KCNIP3: variants seen among roughly 807,000 people sequenced by gnomAD.
KCNIP3 encodes the protein calsenilin.
Under a neutral mutation model 35.0 loss-of-function variants are expected in KCNIP3, and 28 were observed. The observed-to-expected ratio is 0.80, with a 90% CI of 0.59 to 1.10. KCNIP3 has a LOEUF of 1.10. KCNIP3 is among the 50% of genes least tolerant of loss of function. KCNIP3 has a pLI of 0.00. For missense variants in KCNIP3, 295 were observed against 338.4 expected, an observed-to-expected ratio of 0.87 and a Z score of 1.01; for synonymous variants, 134 against 133.8, an observed-to-expected ratio of 1.00 and a Z score of -0.01.
intron 1 of KCNIP3, among the ~76,000 whole-genome samples, chr2:95,304,654 GA>G (rs1342818018): frequency 6.6e-6 from 1 of 152,212 alleles, no homozygotes; most frequent in Non-Finnish European, 1.5e-5. Context: ...TCCATTACCG[GA>G]TTTGGGGCTC....
intron 2 of KCNIP3, among the ~76,000 whole-genome samples, chr2:95,333,406 A>G (rs1678980060): frequency 6.6e-6 from 1 of 152,198 alleles, no homozygotes; most frequent in Non-Finnish European, 1.5e-5. Context: ...AAAAGAATCA[A>G]AAGCCATTCT....
intron 2 of KCNIP3, among the ~76,000 whole-genome samples, chr2:95,324,557 A>AAATAAATAAAT (rs1410182812): frequency 2.6e-4 from 19 of 72,760 alleles, no homozygotes; most frequent in Non-Finnish European, 4.0e-4. Flanking sequence ...AATAAATAAA[A>AAATAAATAAAT]ATAACGTGAG....
At chr2:95,330,496 C>T (rs963629589) in intron 2 of KCNIP3, among the ~76,000 whole-genome samples, 13 of 152,188 alleles carry the variant, frequency 8.5e-5, no homozygotes, top group Non-Finnish European at 1.5e-4. Flanking sequence ...GCCTCTCCCT[C>T]GAGGCCCAGT....
intron 2 of KCNIP3, among the ~76,000 whole-genome samples, chr2:95,372,580 G>A (rs767642418): frequency 6.6e-6 from 1 of 152,138 alleles, no homozygotes; most frequent in South Asian, 2.1e-4. Context: ...GCCTGAGTAG[G>A]TGAGAGGGAT....
At position 95,382,773 on chromosome 2, in the gene KCNIP3, G is replaced by A. The variant is rs748127843; in HGVS notation, c.660+292G>A. On this transcript the variant is annotated intron_variant, in intron 7 of 8. Coordinates refer to ENST00000295225, the MANE Select transcript of KCNIP3 (RefSeq NM_013434.5). The surrounding 1 kb of genome is among the most constrained non-coding windows in gnomAD (Gnocchi z 4.5). ...AGCTGTGTGGCTCCTCCAGGAAGAC[G>A]CTCTGGGAGAGGAGCAGGTTGGGGG... Among the ~76,000 whole-genome samples the A allele has an allele frequency of 3.5e-4, 54 of 152,178 alleles. No individual in the cohort carries two copies. Among genetic ancestry groups the A allele is most frequent in the Non-Finnish European group, 7.2e-4 (49 of 68,014 alleles).
chr2:95,383,379 C>G (rs564566584), intron 8 of KCNIP3, 85 bp downstream of exon 8: 1 of 1,338,448 alleles, frequency 7.5e-7, no homozygotes, highest in Admixed American at 1.9e-5. Flanking sequence ...CCTTCCCTCA[C>G]CCCAGTCCCA....
chr2:95,378,902 A>G lies in KCNIP3; in HGVS notation c.448-2694A>G, dbSNP rs1469827962. ...CATATATATACACACACACACATAT[A>G]TATATATATATTCATTGTCTTCAGT... On this transcript the variant is annotated intron_variant, in intron 5 of 8. Transcript: ENST00000295225. The surrounding 1 kb of genome is among the most constrained non-coding windows in gnomAD (Gnocchi z 4.0). 6.6e-6 allele frequency among the ~76,000 whole-genome samples: 1 copy of G among 151,960 alleles called. No individual in the cohort carries two copies. Among genetic ancestry groups the G allele is most frequent in the Non-Finnish European group, 1.5e-5 (1 of 68,004 alleles).
intron 2 of KCNIP3, among the ~76,000 whole-genome samples, chr2:95,317,536 C>G (rs1338697442): frequency 6.6e-6 from 1 of 152,100 alleles, no homozygotes; most frequent in African/African-American, 2.4e-5. Flanking sequence ...GGCTGAGGGG[C>G]AGGCAGTCCC....
intron 2 of KCNIP3, among the ~76,000 whole-genome samples, chr2:95,325,625 ACT>A (rs921040976): frequency 1.5e-4 from 22 of 151,124 alleles, no homozygotes; most frequent in Non-Finnish European, 2.7e-4. Context: ...ACACACACAC[ACT>A]CACACACACA....
In KCNIP3 at chr2:95,385,791, C is replaced by G. The variant is rs1476267689; in HGVS notation, c.*1742C>G. On this transcript the variant is annotated 3_prime_UTR_variant, in exon 9 of 9. Coordinates refer to ENST00000295225, the MANE Select transcript of KCNIP3 (RefSeq NM_013434.5). ...TTTCCCTGGCTCAGGGATCTTCTCC[C>G]TCCCCTCACCCGCTGCCCAGCCCTC... is the stretch of plus-strand genomic sequence containing the variant. 3 of 152,778 alleles carry G rather than the reference C, an allele frequency of 2.0e-5. No individual in the cohort carries two copies. Among genetic ancestry groups the G allele is most frequent in the African/African-American group, 7.2e-5 (3 of 41,478 alleles). 9.5% of individuals were successfully genotyped at this position (152,778 alleles called of 1,614,324 possible). A position where few individuals can be genotyped will look rare whatever the true frequency, so the allele number is the denominator to read the frequency against.
chr2:95,310,292 G>T, intron 1 of KCNIP3, 63 bp from the exon 2 acceptor site: 1 of 1,601,392 alleles, frequency 6.2e-7, no homozygotes, highest in South Asian at 1.1e-5. Context: ...GGCAGCTCGG[G>T]ACCATCCAGG....
At chr2:95,325,900 C>T (rs750167903) in intron 2 of KCNIP3, among the ~76,000 whole-genome samples, 24 of 151,644 alleles carry the variant, frequency 1.6e-4, no homozygotes, top group Admixed American at 6.6e-4. Flanking sequence ...CTCATAGACA[C>T]ACATTCACTC....
chr2:95,318,061 G>A (rs1421230547), intron 2 of KCNIP3, among the ~76,000 whole-genome samples: 1 of 151,978 alleles, frequency 6.6e-6, no homozygotes, highest in African/African-American at 2.4e-5. Flanking sequence ...GGGTGACAGG[G>A]GGCAGGGGTG....
Position 95,382,613 on chromosome 2 carries a change from C to G in KCNIP3, c.660+132C>G. On this transcript the variant is annotated intron_variant, in intron 7 of 8. Coordinates refer to ENST00000295225, the MANE Select transcript of KCNIP3 (RefSeq NM_013434.5). The surrounding 1 kb of genome is among the most constrained non-coding windows in gnomAD (Gnocchi z 4.5). ...TCCCCATGAGGAGGTTAAACTTGCC[C>G]CTCCAGTCTGGCTGGTTGTCAGAAC... The G allele has an allele frequency of 3.4e-6, 2 of 591,416 alleles. No homozygotes were observed. Among genetic ancestry groups the G allele is most frequent in the Non-Finnish European group, 5.8e-6 (2 of 342,238 alleles). 36.6% of individuals were successfully genotyped at this position (591,416 alleles called of 1,614,324 possible).
chr2:95,366,152 G>A (rs1292696640), intron 2 of KCNIP3, among the ~76,000 whole-genome samples: 2 of 152,016 alleles, frequency 1.3e-5, no homozygotes, highest in Admixed American at 6.6e-5. Flanking sequence ...GGCACCTGGC[G>A]ATATAGAACA....
intron 2 of KCNIP3, among the ~76,000 whole-genome samples, chr2:95,363,709 G>T (rs1459840656): frequency 6.6e-6 from 1 of 152,122 alleles, no homozygotes; most frequent in South Asian, 2.1e-4. Flanking sequence ...GCCATAAGAT[G>T]GAATGTCTCA....
intron 2 of KCNIP3, among the ~76,000 whole-genome samples, chr2:95,345,425 G>T (rs760913601): frequency 6.6e-6 from 1 of 152,236 alleles, no homozygotes; most frequent in Admixed American, 6.5e-5. Context: ...CACGCGCCGC[G>T]GCTCCCACCC....
intron 2 of KCNIP3, among the ~76,000 whole-genome samples, chr2:95,354,649 C>T (rs1376586462): frequency 2.0e-5 from 3 of 152,210 alleles, no homozygotes; most frequent in African/African-American, 4.8e-5. Context: ...GCCCTGAAAG[C>T]GTCTCTAACT....
chr2:95,351,190 G>A (rs1679511942), intron 2 of KCNIP3, among the ~76,000 whole-genome samples: 1 of 152,264 alleles, frequency 6.6e-6, no homozygotes, highest in African/African-American at 2.4e-5. Context: ...GCCCTGGCCA[G>A]GGGTGGACCT....
Sources: allele counts gnomAD v4.1 joint callset (sites outside exome capture counted in the v4.1 genomes callset), GRCh38; gene constraint gnomAD v4.1.1; non-coding constraint Gnocchi (gnomAD v3.1); transcripts MANE v1.5; gene names NCBI Gene and HGNC (gene_info 2026-07-23, HGNC 2026-07-21).